UGP2: variants seen among roughly 807,000 people sequenced by gnomAD.
The protein encoded by UGP2 is UTP--glucose-1-phosphate uridylyltransferase.
In UGP2, 40 loss-of-function variants were observed where a neutral mutation model predicts 49.0. The observed-to-expected ratio is 0.82, with a 90% CI of 0.63 to 1.06. The LOEUF (loss-of-function observed/expected upper bound fraction) is 1.06, where lower values mean the gene tolerates loss of function less well. UGP2 is among the 50% of genes least tolerant of loss of function. UGP2 has a pLI of 0.00. For missense variants in UGP2, 460 were observed against 603.5 expected (o/e 0.76, Z 2.49); for synonymous variants, 225 against 213.0 (o/e 1.06, Z -0.49).
intron 3 of UGP2, among the ~76,000 whole-genome samples, chr2:63,870,087 TA>T (rs1670451376): frequency 6.6e-6 from 1 of 152,042 alleles, no homozygotes; most frequent in South Asian, 2.1e-4. Context: ...CATGCCTGGC[TA>T]ATTTTTTGTA....
At chr2:63,872,790 C>CAAAAAACAAAA (rs1670645095) in intron 3 of UGP2, among the ~76,000 whole-genome samples, 1 of 112,580 alleles carries the variant, frequency 8.9e-6, no homozygotes. Context: ...CCAGTGCCCT[C>CAAAAAACAAAA]AAAAAAAAAA....
chr2:63,879,646 A>G (rs1200019538), intron 3 of UGP2, among the ~76,000 whole-genome samples: 1 of 152,264 alleles, frequency 6.6e-6, no homozygotes, highest in Non-Finnish European at 1.5e-5. Context: ...GAAAGTCCGG[A>G]TACCCGTAGG....
intron 3 of UGP2, among the ~76,000 whole-genome samples, chr2:63,870,900 G>A (rs1670504180): frequency 6.6e-6 from 1 of 152,182 alleles, no homozygotes; most frequent in Admixed American, 6.5e-5. Flanking sequence ...AGCTGCACCA[G>A]ATTCACTACT....
chr2:63,856,894 C>A lies in UGP2; in HGVS notation c.147+461C>A, dbSNP rs117303860. On this transcript the variant is annotated intron_variant, in intron 2 of 9. Coordinates refer to ENST00000337130, the MANE Select transcript of UGP2 (RefSeq NM_006759.4). ...TTGTAAATCAATAGGTTAGTATTTTCATTTTTATATTTCAATTTATACTTA... is the reference window on the plus strand; with the variant it reads ...TTGTAAATCAATAGGTTAGTATTTTAATTTTTATATTTCAATTTATACTTA... 239 of 439,720 alleles carry A rather than the reference C, an allele frequency of 5.4e-4. No homozygotes were observed. In the East Asian group the frequency reaches 0.012, roughly 22 times the overall value. The allele number at this position is 439,720 out of a possible 1,614,324, so 27.2% of individuals were successfully genotyped here. A position where few individuals can be genotyped will look rare whatever the true frequency, so the allele number is the denominator to read the frequency against.
chr2:63,879,479 TAAC>T (rs946493279), intron 3 of UGP2, among the ~76,000 whole-genome samples: 4 of 152,236 alleles, frequency 2.6e-5, no homozygotes, highest in African/African-American at 7.2e-5. Flanking sequence ...AATATTCAAA[TAAC>T]AACAAACTCA....
intron 1 of UGP2, chr2:63,855,342 AT>A: frequency 2.4e-6 from 1 of 408,882 alleles, no homozygotes; most frequent in South Asian, 1.8e-5. Context: ...TTACAAATAC[AT>A]TTTTAAAATA....
chr2:63,885,277 A>C (rs1671599473), intron 5 of UGP2, among the ~76,000 whole-genome samples: 1 of 152,116 alleles, frequency 6.6e-6, no homozygotes, highest in African/African-American at 2.4e-5. Flanking sequence ...CATAAGTTTG[A>C]GAAAATTTAC....
Position 63,873,326 on chromosome 2 carries a change from T to C in UGP2, c.256-9140T>C, listed in dbSNP as rs377562342. 1.1e-4 allele frequency among the ~76,000 whole-genome samples: 16 copies of C among 152,328 alleles called. No individual in the cohort carries two copies. The East Asian group carries it at 1.2e-3, about 11-fold the overall frequency. On this transcript the variant is annotated intron_variant, in intron 3 of 9. Coordinates refer to ENST00000337130, the MANE Select transcript of UGP2 (RefSeq NM_006759.4). ...TTCAAGCCAAACAGAAGCCTTCTCATTGAAACTTAGTTTGGAGAGAGGTAA... is the reference window on the plus strand; with the variant it reads ...TTCAAGCCAAACAGAAGCCTTCTCACTGAAACTTAGTTTGGAGAGAGGTAA...
At chr2:63,847,418 T>C (rs1188295317) in intron 1 of UGP2, among the ~76,000 whole-genome samples, 1 of 152,172 alleles carries the variant, frequency 6.6e-6, no homozygotes, top group Non-Finnish European at 1.5e-5. Flanking sequence ...AAAAGAAATA[T>C]ACTGTAGTTT....
chr2:63,867,442 T>C (rs1670259241), intron 3 of UGP2, among the ~76,000 whole-genome samples: 1 of 152,222 alleles, frequency 6.6e-6, no homozygotes, highest in African/African-American at 2.4e-5. Flanking sequence ...GTGAGGATTA[T>C]TAACAATATT....
chr2:63,882,509 A>G lies in UGP2; in HGVS notation c.299A>G (p.Asn100Ser), dbSNP rs1192645287. 1.9e-6 allele frequency: 3 copies of G among 1,609,672 alleles called. No individual in the cohort carries two copies. The highest frequency in any genetic ancestry group is 1.3e-5 in the African/African-American group (1 of 74,894). The change falls in exon 4 of 10, where the codon AAT (asparagine) becomes AGT (serine). Residue 100 changes from asparagine to serine, a missense_variant. Transcript: ENST00000337130. ...ATAAAGGCCAGGGGCTTGCCTGATAATATATCTTCCGTGTTGAACAAACTA... is the reference window on the plus strand; with the variant it reads ...ATAAAGGCCAGGGGCTTGCCTGATAGTATATCTTCCGTGTTGAACAAACTA... Reference protein sequence around the residue: ...EKIKARGLPDNISSVLNKLVV... With the variant: ...EKIKARGLPDSISSVLNKLVV...
chr2:63,856,159 A>T, intron 1 of UGP2, 147 bp from the exon 2 acceptor site: 1 of 924,458 alleles, frequency 1.1e-6, no homozygotes, highest in South Asian at 1.8e-5. Flanking sequence ...TAACTAGTTG[A>T]CACCACTGAA....
At chr2:63,883,857 G>A in intron 4 of UGP2, 103 bp from the exon 5 acceptor site, 1 of 1,412,634 alleles carries the variant, frequency 7.1e-7, no homozygotes, top group Non-Finnish European at 9.5e-7. Flanking sequence ...ACGTACAGAT[G>A]ATGTTTTAGA....
intron 4 of UGP2, among the ~76,000 whole-genome samples, 183 bp from the exon 5 acceptor site, chr2:63,883,777 C>T (rs1290077913): frequency 1.3e-5 from 2 of 152,198 alleles, no homozygotes; most frequent in Admixed American, 1.3e-4. Context: ...TGAGCAAGTG[C>T]ATGGTGAATT....
At chr2:63,855,595 G>A (rs1575810595) in intron 1 of UGP2, 1 of 373,490 alleles carries the variant, frequency 2.7e-6, no homozygotes, top group African/African-American at 2.2e-5. Flanking sequence ...AGGCTGGAGT[G>A]CGGTGGCGCG....
intron 7 of UGP2, 118 bp downstream of exon 7, chr2:63,886,656 CT>C: frequency 8.8e-7 from 1 of 1,142,002 alleles, no homozygotes; most frequent in Non-Finnish European, 1.2e-6. Context: ...TCCCTTTTGC[CT>C]TTTCAGACTC....
intron 3 of UGP2, among the ~76,000 whole-genome samples, chr2:63,860,089 T>A (rs1575817645): frequency 6.6e-6 from 1 of 152,316 alleles, no homozygotes; most frequent in East Asian, 1.9e-4. Flanking sequence ...TAGAGATCAA[T>A]TTTCCTTTCA....
chr2:63,878,353 A>T lies in UGP2; in HGVS notation c.256-4113A>T, dbSNP rs138322200. 1.4e-4 allele frequency among the ~76,000 whole-genome samples: 22 copies of T among 152,216 alleles called. No individual in the cohort carries two copies. The East Asian group carries it at 4.2e-3, about 29-fold the overall frequency. On this transcript the variant is annotated intron_variant, in intron 3 of 9. Transcript: ENST00000337130. The stretch of plus-strand genomic sequence containing the variant: ...GATTCCTAAATCGTTCTCTCACCCT[A>T]TTTGTCACTGATAATTGCATAACAC...
intron 1 of UGP2, 41 bp downstream of exon 1, chr2:63,842,245 A>C: frequency 6.2e-7 from 1 of 1,607,716 alleles, no homozygotes; most frequent in Non-Finnish European, 8.5e-7. Flanking sequence ...TGCTTCAGGC[A>C]AATTTGGGTA....
Sources: allele counts gnomAD v4.1 joint callset (sites outside exome capture counted in the v4.1 genomes callset), GRCh38; gene constraint gnomAD v4.1.1; transcripts MANE v1.5; gene names NCBI Gene and HGNC (gene_info 2026-07-23, HGNC 2026-07-21).